CLCN4: variants seen among roughly 807,000 people sequenced by gnomAD.
CLCN4 encodes Cl-/H+ antiporter 4.
CLCN4 carries 1 observed loss-of-function variant against 41.7 expected under a neutral mutation model. That is an observed-to-expected ratio of 0.02 (90% CI 0.01 to 0.11). CLCN4 has a LOEUF of 0.11. Among genes scored for constraint, CLCN4 ranks in the 10% least tolerant of loss-of-function variants. CLCN4 has a pLI of 1.00. For missense variants in CLCN4, 287 were observed against 661.0 expected, an observed-to-expected ratio of 0.43 and a Z score of 6.20; for synonymous variants, 277 against 285.8, an observed-to-expected ratio of 0.97 and a Z score of 0.31.
At chrX:10,193,522 G>A (rs1924021107) in intron 4 of CLCN4, among the ~76,000 whole-genome samples, 1 of 111,723 alleles carries the variant, frequency 9.0e-6, no homozygotes, top group Admixed American at 9.5e-5. Context: ...GAGGAAAGCA[G>A]GAGAGCATGA....
intron 2 of CLCN4, among the ~76,000 whole-genome samples, chrX:10,184,242 C>T (rs756843364): frequency 8.0e-5 from 9 of 112,171 alleles, no homozygotes; most frequent in African/African-American, 1.3e-4. Context: ...TGAGGTTTTC[C>T]AGGAATGTAT....
At chrX:10,175,681 A>C (rs5933814) in intron 2 of CLCN4, among the ~76,000 whole-genome samples, 4 of 110,275 alleles carry the variant, frequency 3.6e-5, no homozygotes, top group African/African-American at 1.3e-4. Context: ...GTTGTGTCCT[A>C]TGCTTTTCAT....
intron 4 of CLCN4, among the ~76,000 whole-genome samples, chrX:10,193,850 A>C (rs1924028311): frequency 9.0e-6 from 1 of 111,407 alleles, no homozygotes; most frequent in Admixed American, 9.5e-5. Flanking sequence ...GAATGAGCTA[A>C]GGCCATTGCC....
intron 10 of CLCN4, among the ~76,000 whole-genome samples, chrX:10,213,205 G>A (rs958581186): frequency 2.7e-5 from 3 of 112,124 alleles, no homozygotes; most frequent in East Asian, 2.8e-4. Flanking sequence ...TTAAACCATC[G>A]TAAGTCAGGG....
At chrX:10,164,267 G>T (rs1923187308) in intron 2 of CLCN4, among the ~76,000 whole-genome samples, 1 of 112,154 alleles carries the variant, frequency 8.9e-6, no homozygotes, top group African/African-American at 3.2e-5. Context: ...AAGGCCCTGA[G>T]GCAGGGCAGG....
intron 2 of CLCN4, among the ~76,000 whole-genome samples, chrX:10,172,662 TGAGA>T (rs774545518): frequency 1.3e-4 from 12 of 90,514 alleles, no homozygotes; most frequent in South Asian, 1.3e-3. Context: ...TGTGTGTATG[TGAGA>T]GAGAGAGAGA....
chrX:10,195,649 G>A (rs1301807987), intron 5 of CLCN4, among the ~76,000 whole-genome samples: 3 of 111,569 alleles, frequency 2.7e-5, no homozygotes. Flanking sequence ...TCACTCCCAT[G>A]TCCCCCAACC....
intron 12 of CLCN4, among the ~76,000 whole-genome samples, chrX:10,221,295 G>A (rs922546014): frequency 2.7e-5 from 3 of 111,687 alleles, no homozygotes; most frequent in African/African-American, 9.8e-5. Context: ...GAAAAATGGG[G>A]TTAGGTACAC....
chrX:10,211,877 T>C (rs1602159463), intron 9 of CLCN4, among the ~76,000 whole-genome samples: 1 of 112,013 alleles, frequency 8.9e-6, no homozygotes, highest in Non-Finnish European at 1.9e-5. Flanking sequence ...AGAATACTTA[T>C]TAGAAAATGT....
chrX:10,192,246 C>T (rs1923985912), intron 4 of CLCN4, among the ~76,000 whole-genome samples: 1 of 102,395 alleles, frequency 9.8e-6, no homozygotes, highest in African/African-American at 3.6e-5. Flanking sequence ...AGTGGAAGTA[C>T]ACACACACAC....
At chrX:10,160,917 G>A (rs1923077812) in intron 2 of CLCN4, among the ~76,000 whole-genome samples, 1 of 111,088 alleles carries the variant, frequency 9.0e-6, no homozygotes, top group African/African-American at 3.3e-5. Context: ...GGGACGGATG[G>A]AAGTGAGAGG....
intron 6 of CLCN4, among the ~76,000 whole-genome samples, chrX:10,204,613 C>CTTTTTATTTTTTTTTTTTTTTTTTTTT (rs1924324756): frequency 3.7e-5 from 1 of 27,358 alleles, no homozygotes; most frequent in African/African-American, 7.9e-5. Flanking sequence ...AGCTAGTAGT[C>CTTTTTATTTTTTTTTTTTTTTTTTTTT]TTTTTTTTTT....
chrX:10,171,722 GA>G (rs1247807046), intron 2 of CLCN4, among the ~76,000 whole-genome samples: 2 of 111,952 alleles, frequency 1.8e-5, no homozygotes, highest in African/African-American at 6.5e-5. Flanking sequence ...TCAACAAAGG[GA>G]AAAGGCTTAT....
intron 4 of CLCN4, among the ~76,000 whole-genome samples, chrX:10,189,126 T>C (rs969753341): frequency 1.8e-5 from 2 of 111,557 alleles, no homozygotes; most frequent in Admixed American, 9.5e-5. Flanking sequence ...CAGGTGGGAG[T>C]TTGCTATGAA....
chrX:10,181,365 GAAAGAAAAGAAAGAA>G (rs376168029), intron 2 of CLCN4, among the ~76,000 whole-genome samples: 1,716 of 62,879 alleles, frequency 0.027, 50 homozygotes, highest in African/African-American at 0.14. Context: ...AAAAAAAAAA[GAAAGAAAAGAAAGAA>G]AAAGAAAAGA....
At chrX:10,160,298 A>G (rs1232010108) in intron 2 of CLCN4, among the ~76,000 whole-genome samples, 1 of 111,723 alleles carries the variant, frequency 9.0e-6, no homozygotes, top group Admixed American at 9.5e-5. Context: ...TTAATATCAC[A>G]TATATTGGAA....
At chrX:10,216,317 C>T (rs965863387) in intron 11 of CLCN4, among the ~76,000 whole-genome samples, 5 of 112,159 alleles carry the variant, frequency 4.5e-5, no homozygotes, top group Non-Finnish European at 9.4e-5. Flanking sequence ...TTAGAGAGCA[C>T]GTCGTTAGCA....
intron 2 of CLCN4, among the ~76,000 whole-genome samples, chrX:10,177,530 G>A (rs1923564988): frequency 8.9e-6 from 1 of 112,063 alleles, no homozygotes; most frequent in African/African-American, 3.3e-5. Flanking sequence ...GGTGGGTCAG[G>A]GACTAGCGGG....
At chrX:10,197,440 C>T (rs1924125516) in intron 5 of CLCN4, among the ~76,000 whole-genome samples, 1 of 111,199 alleles carries the variant, frequency 9.0e-6, no homozygotes, top group South Asian at 3.9e-4. Context: ...TGTGGCTGGA[C>T]CATGGACCCC....
Sources: allele counts gnomAD v4.1 joint callset (sites outside exome capture counted in the v4.1 genomes callset), GRCh38; gene constraint gnomAD v4.1.1; transcripts MANE v1.5; gene names NCBI Gene and HGNC (gene_info 2026-07-23, HGNC 2026-07-21).